ODF2L: variants seen among roughly 807,000 people sequenced by gnomAD.
ODF2L encodes the protein outer dense fiber of sperm tails 2 like.
ODF2L carries 76 observed loss-of-function variants against 86.3 expected under a neutral mutation model. The observed-to-expected ratio is 0.88, with a 90% CI of 0.73 to 1.07. The LOEUF (loss-of-function observed/expected upper bound fraction) is 1.07, where lower values mean the gene tolerates loss of function less well. ODF2L is among the 50% of genes least tolerant of loss of function. The pLI is 0.00. For synonymous variants in ODF2L, 241 were observed against 231.3 expected (o/e 1.04, Z -0.38); for missense variants, 748 against 717.4 (o/e 1.04, Z -0.49).
chr1:86,365,262 C>T (rs1659320954), intron 11 of ODF2L, among the ~76,000 whole-genome samples: 1 of 152,114 alleles, frequency 6.6e-6, no homozygotes, highest in Non-Finnish European at 1.5e-5. Flanking sequence ...TTATCAAGTG[C>T]CTCCTACATT....
At chr1:86,354,668 T>C (rs1658402139) in exon 16 of ODF2L, 1 of 1,611,402 alleles carries the variant, frequency 6.2e-7, no homozygotes, top group Non-Finnish European at 8.5e-7. Flanking sequence ...GCTCTTTATT[T>C]TCTGCGTCCA....
chr1:86,392,862 T>A (rs533396016), intron 1 of ODF2L, among the ~76,000 whole-genome samples: 2 of 152,328 alleles, frequency 1.3e-5, no homozygotes, highest in South Asian at 4.1e-4. Flanking sequence ...TGAGCAATTT[T>A]AAAATATTTT....
At chr1:86,369,941 A>G (rs910050503) in intron 10 of ODF2L, among the ~76,000 whole-genome samples, 1 of 152,280 alleles carries the variant, frequency 6.6e-6, no homozygotes, top group African/African-American at 2.4e-5. Context: ...CTATCATTTT[A>G]TTAAAATAAT....
chr1:86,381,618 A>AT (rs1156701320), intron 7 of ODF2L, among the ~76,000 whole-genome samples: 1 of 151,972 alleles, frequency 6.6e-6, no homozygotes, highest in Non-Finnish European at 1.5e-5. Context: ...TTTGGCGGAA[A>AT]AAAAAAAAGA....
chr1:86,369,565 T>C (rs1297440244), intron 10 of ODF2L, among the ~76,000 whole-genome samples: 3 of 152,194 alleles, frequency 2.0e-5, no homozygotes, highest in South Asian at 4.1e-4. Flanking sequence ...TAAAGGAGAC[T>C]GAAACTCAAC....
chr1:86,374,236 A>C (rs1290230826), intron 8 of ODF2L, among the ~76,000 whole-genome samples: 2 of 152,144 alleles, frequency 1.3e-5, no homozygotes, highest in African/African-American at 4.8e-5. Flanking sequence ...GAAGACTAGT[A>C]TTGTTTTCAT....
At chr1:86,365,684 T>C (rs1659355952) in intron 11 of ODF2L, among the ~76,000 whole-genome samples, 1 of 152,148 alleles carries the variant, frequency 6.6e-6, no homozygotes, top group African/African-American at 2.4e-5. Flanking sequence ...CCAGGGGCTA[T>C]CAAAGGACAA....
At chr1:86,385,734 T>C (rs1442157066) in intron 2 of ODF2L, 144 bp from the exon 3 acceptor site, 2 of 527,950 alleles carry the variant, frequency 3.8e-6, no homozygotes, top group African/African-American at 3.9e-5. Context: ...GGACTTTGAG[T>C]GTAAGCAAAT....
chr1:86,367,696 CTG>C (rs920147274), intron 11 of ODF2L, among the ~76,000 whole-genome samples: 4 of 152,076 alleles, frequency 2.6e-5, no homozygotes, highest in African/African-American at 9.7e-5. Flanking sequence ...TATTACTTGA[CTG>C]TGTAGTGAAA....
intron 11 of ODF2L, among the ~76,000 whole-genome samples, chr1:86,367,729 T>C (rs979617673): frequency 2.6e-5 from 4 of 152,172 alleles, no homozygotes; most frequent in Non-Finnish European, 4.4e-5. Flanking sequence ...AAGTCATTGC[T>C]ATTAATGTTT....
At chr1:86,356,848 G>A (rs1658608678) in intron 13 of ODF2L, among the ~76,000 whole-genome samples, 1 of 152,226 alleles carries the variant, frequency 6.6e-6, no homozygotes, top group East Asian at 1.9e-4. Context: ...CAGGGTGGAT[G>A]TTTAACTAAT....
exon 3 of ODF2L, chr1:86,385,491 A>C (rs1366217163): frequency 6.3e-7 from 1 of 1,597,398 alleles, no homozygotes; most frequent in Non-Finnish European, 8.6e-7. Flanking sequence ...TGGTGTCCTT[A>C]AATAGTGGCA....
At chr1:86,391,603 T>C (rs1243822514) in intron 1 of ODF2L, among the ~76,000 whole-genome samples, 1 of 152,162 alleles carries the variant, frequency 6.6e-6, no homozygotes, top group Non-Finnish European at 1.5e-5. Flanking sequence ...CAAATGGTGC[T>C]GGGATAATTG....
At chr1:86,350,809 G>C (rs1176260040) in exon 18 of ODF2L, 1 of 152,082 alleles carries the variant, frequency 6.6e-6, no homozygotes, top group Admixed American at 6.5e-5. Flanking sequence ...GGTGTGACAT[G>C]GTATCTCACT....
chr1:86,354,926 A>G, intron 14 of ODF2L, 67 bp from the exon 14 acceptor site: 1 of 866,870 alleles, frequency 1.2e-6, no homozygotes, highest in South Asian at 1.5e-5. Flanking sequence ...AATCCATATA[A>G]TTTATTGTTA....
At chr1:86,369,737 T>C (rs1002062215) in intron 10 of ODF2L, among the ~76,000 whole-genome samples, 5 of 152,190 alleles carry the variant, frequency 3.3e-5, no homozygotes, top group Admixed American at 6.5e-5. Flanking sequence ...GATCAGTACG[T>C]AGCAAACAGA....
At position 86,358,707 on chromosome 1, in the gene ODF2L, G is replaced by A. The variant is rs112189898; in HGVS notation, c.1359+80C>T. 6.3e-3 allele frequency: 3,550 copies of A among 564,696 alleles called. 117 individuals carry two copies. Among genetic ancestry groups the A allele is most frequent in the African/African-American group, 0.063 (3,141 of 50,114 alleles). The allele number at this position is 564,696 out of a possible 1,614,324, so 35.0% of individuals were successfully genotyped here. A position where few individuals can be genotyped will look rare whatever the true frequency, so the allele number is the denominator to read the frequency against. On this transcript the variant is annotated intron_variant, in intron 13 of 17. Transcript: ENST00000317336. The stretch of plus-strand genomic sequence containing the variant: ...TTCCTAAGTATGAACTAGAGAAAAT[G>A]ACCAAAATGAATGAATTTGTGTACT...
intron 13 of ODF2L, chr1:86,358,006 T>C (rs747763967): frequency 1.2e-5 from 12 of 985,324 alleles, no homozygotes; most frequent in Non-Finnish European, 1.4e-5. Context: ...AAGCAGTAAG[T>C]TGTGCATTCA....
At chr1:86,348,157 G>A (rs564198113), downstream of ODF2L, 103 of 152,030 alleles carry the variant, frequency 6.8e-4, no homozygotes, top group African/African-American at 2.4e-3. Flanking sequence ...GCATGACCAC[G>A]TTTTCATCTG....
Sources: gnomAD v4.1 joint callset for allele counts (sites outside exome capture counted in the v4.1 genomes callset) on GRCh38, gnomAD v4.1.1 for gene constraint, MANE v1.5 for transcripts, NCBI Gene and HGNC (gene_info 2026-07-23, HGNC 2026-07-21) for gene names.